Variants in PHACTR1 observed in about 807,000 individuals in gnomAD.
The protein encoded by PHACTR1 is phosphatase and actin regulator 1, also known as RPEL repeat containing 1.
In PHACTR1, 16 loss-of-function variants were observed where a neutral mutation model predicts 69.2. The ratio of observed to expected loss-of-function variants is 0.23; its 90% CI spans 0.16 to 0.35. PHACTR1 has a LOEUF of 0.35. Ranked by LOEUF, PHACTR1 falls within the 10% of genes least tolerant of loss-of-function variation. The probability of loss-of-function intolerance (pLI) is 1.00; values close to 1 mark genes in which losing one functional copy is unlikely to be tolerated. For synonymous variants in PHACTR1, 312 were observed against 284.5 expected, an observed-to-expected ratio of 1.10 and a Z score of -0.97; for missense variants, 510 against 734.7, an observed-to-expected ratio of 0.69 and a Z score of 3.54.
chr6:12,993,488 G>A lies in PHACTR1; in HGVS notation c.251-59877G>A, dbSNP rs9473169. On this transcript the variant is annotated intron_variant, in intron 4 of 14. Transcript: ENST00000332995. ...TGACCTGGATACATACCTAAGACAC[G>A]GAGGGCTGGAGTTTCAATTCTCAAT... 7.6e-3 allele frequency among the ~76,000 whole-genome samples: 1,154 copies of A among 152,258 alleles called. 12 individuals carry two copies. The highest frequency in any genetic ancestry group is 0.026 in the African/African-American group (1,088 of 41,542).
Position 12,975,325 on chromosome 6 carries a change from GCTCA to G in PHACTR1, c.251-78037_251-78034del, listed in dbSNP as rs1794736372. On this transcript the variant is annotated intron_variant, in intron 4 of 14. Transcript: ENST00000332995. ...ATTTGCAGCTACACGTTAAAGAAGA[GCTCA>G]CTAAGATCCTGACCAGAGTGGAAAG... Among the ~76,000 whole-genome samples the G allele has an allele frequency of 2.0e-5, 3 of 152,172 alleles. No homozygotes were observed. In the South Asian group the frequency reaches 6.2e-4, roughly 32 times the overall value.
intron 4 of PHACTR1, among the ~76,000 whole-genome samples, chr6:12,925,422 A>C (rs1788164904): frequency 1.3e-5 from 2 of 152,230 alleles, no homozygotes; most frequent in Admixed American, 1.3e-4. Context: ...ATACACACAA[A>C]AAGTTGGATA....
At chr6:13,204,047 G>A (rs998143308) in intron 7 of PHACTR1, among the ~76,000 whole-genome samples, 8 of 152,168 alleles carry the variant, frequency 5.3e-5, no homozygotes, top group Non-Finnish European at 1.0e-4. Flanking sequence ...TGGGCCATAG[G>A]AGAGATTCTG....
chr6:12,720,646 C>T (rs1761998622), intron 3 of PHACTR1, among the ~76,000 whole-genome samples: 1 of 152,196 alleles, frequency 6.6e-6, no homozygotes, highest in African/African-American at 2.4e-5. Context: ...ATGTTTCAAT[C>T]AAGGATTCCT....
intron 4 of PHACTR1, among the ~76,000 whole-genome samples, chr6:12,892,763 C>A (rs1382106524): frequency 6.6e-6 from 1 of 152,188 alleles, no homozygotes; most frequent in Non-Finnish European, 1.5e-5. Flanking sequence ...ATAGCTCATG[C>A]TCCAGGAACA....
Position 12,941,381 on chromosome 6 carries a change from C to G in PHACTR1, c.251-111984C>G, listed in dbSNP as rs181797471. On this transcript the variant is annotated intron_variant, in intron 4 of 14. Transcript: ENST00000332995. ...TGGCCATTTGTTATGGCATAAATCA[C>G]CTCTGTAAAATGATGAAGGGTCTTT... Among the ~76,000 whole-genome samples the G allele has an allele frequency of 1.6e-4, 24 of 151,626 alleles. No individual in the cohort carries two copies. The East Asian group carries it at 4.4e-3, about 28-fold the overall frequency.
At chr6:12,814,266 C>G (rs1341951131) in intron 4 of PHACTR1, among the ~76,000 whole-genome samples, 1 of 152,160 alleles carries the variant, frequency 6.6e-6, no homozygotes, top group Non-Finnish European at 1.5e-5. Flanking sequence ...ATCCAAAGAT[C>G]AGGGTTCTCC....
chr6:13,070,498 T>G (rs988732482), intron 5 of PHACTR1, among the ~76,000 whole-genome samples: 2 of 152,104 alleles, frequency 1.3e-5, no homozygotes, highest in African/African-American at 4.8e-5. Flanking sequence ...GGCCAGTAAC[T>G]TGCCCAGGGT....
intron 4 of PHACTR1, among the ~76,000 whole-genome samples, chr6:12,965,383 G>T (rs1343901862): frequency 1.3e-5 from 2 of 151,422 alleles, no homozygotes; most frequent in Non-Finnish European, 2.9e-5. Context: ...ATGGAACAAA[G>T]TGAGGCTCTG....
intron 8 of PHACTR1, among the ~76,000 whole-genome samples, chr6:13,219,022 A>C (rs1428585501): frequency 2.6e-5 from 4 of 152,182 alleles, no homozygotes; most frequent in Non-Finnish European, 5.9e-5. Context: ...CGAGTTTTCC[A>C]AAAAGAAGGC....
chr6:13,096,947 G>A (rs771258634), intron 5 of PHACTR1, among the ~76,000 whole-genome samples: 2 of 152,144 alleles, frequency 1.3e-5, no homozygotes, highest in Admixed American at 1.3e-4. Flanking sequence ...AGGTGACATA[G>A]AAAGGCAGCA....
chr6:13,263,300 A>T, intron 10 of PHACTR1, among the ~76,000 whole-genome samples: 1 of 74,266 alleles, frequency 1.3e-5, no homozygotes, highest in South Asian at 4.6e-4. Context: ...AATTTATTTG[A>T]TTATTTCTTA....
At chr6:13,019,055 T>C (rs1800586792) in intron 4 of PHACTR1, among the ~76,000 whole-genome samples, 1 of 107,352 alleles carries the variant, frequency 9.3e-6, no homozygotes, top group Admixed American at 1.0e-4. Context: ...ACAGTTGAAA[T>C]ATATATATAT....
At chr6:13,150,952 G>A (rs1271165366) in intron 5 of PHACTR1, among the ~76,000 whole-genome samples, 2 of 152,168 alleles carry the variant, frequency 1.3e-5, no homozygotes, top group Non-Finnish European at 2.9e-5. Flanking sequence ...TTTCTAGGCT[G>A]CAGTTATTGT....
chr6:13,087,828 G>T (rs1812559056), intron 5 of PHACTR1, among the ~76,000 whole-genome samples: 1 of 151,806 alleles, frequency 6.6e-6, no homozygotes, highest in Non-Finnish European at 1.5e-5. Flanking sequence ...TGTATTTTTT[G>T]TAGAGATGGG....
intron 8 of PHACTR1, among the ~76,000 whole-genome samples, chr6:13,212,431 C>G (rs1766992935): frequency 6.6e-6 from 1 of 152,176 alleles, no homozygotes; most frequent in African/African-American, 2.4e-5. Flanking sequence ...ACCAGGTCCT[C>G]TGTGACCCCT....
rs543015029 is a variant in PHACTR1 at position 12,755,214 on chromosome 6, AT to A, written c.250+5427del. Among the ~76,000 whole-genome samples the A allele has an allele frequency of 5.7e-3, 864 of 152,288 alleles. 10 individuals are homozygous for A. Among genetic ancestry groups the A allele is most frequent in the African/African-American group, 0.02 (823 of 41,558 alleles). ...TGGTTTGTCTATATATGTCTATATA[AT>A]TTAATTCTATAAAATCCCACAGAGG... On this transcript the variant is annotated intron_variant, in intron 4 of 14. Coordinates refer to ENST00000332995, the MANE Select transcript of PHACTR1 (RefSeq NM_030948.6).
chr6:13,197,250 T>A (rs987818404), intron 7 of PHACTR1, among the ~76,000 whole-genome samples: 1 of 152,164 alleles, frequency 6.6e-6, no homozygotes, highest in Non-Finnish European at 1.5e-5. Flanking sequence ...TATGGAGACT[T>A]TGTAAAATTA....
chr6:13,254,215 AAG>A (rs1384348094), intron 10 of PHACTR1, among the ~76,000 whole-genome samples: 1 of 152,112 alleles, frequency 6.6e-6, no homozygotes, highest in Non-Finnish European at 1.5e-5. Flanking sequence ...GCAACAGAGC[AAG>A]ACTCCATTTC....
Sources: allele counts gnomAD v4.1 joint callset (sites outside exome capture counted in the v4.1 genomes callset), GRCh38; gene constraint gnomAD v4.1.1; transcripts MANE v1.5; gene names NCBI Gene and HGNC (gene_info 2026-07-23, HGNC 2026-07-21).